MOB1A: variants seen among roughly 807,000 people sequenced by gnomAD.
The protein encoded by MOB1A is MOB kinase activator 1A.
MOB1A carries 10 observed loss-of-function variants against 25.1 expected under a neutral mutation model. The ratio of observed to expected loss-of-function variants is 0.40; its 90% confidence interval spans 0.25 to 0.68. The LOEUF (loss-of-function observed/expected upper bound fraction) is 0.68, where lower values mean the gene tolerates loss of function less well. Ranked by LOEUF, MOB1A falls within the 30% of genes least tolerant of loss-of-function variation. MOB1A has a pLI of 0.40. For synonymous variants in MOB1A, 81 were observed against 79.5 expected, an observed-to-expected ratio of 1.02 and a Z score of -0.10; for missense variants, 177 against 256.3, an observed-to-expected ratio of 0.69 and a Z score of 2.11.
chr2:74,170,180 C>T (rs745581532), intron 2 of MOB1A, among the ~76,000 whole-genome samples: 4 of 151,800 alleles, frequency 2.6e-5, no homozygotes, highest in Admixed American at 6.6e-5. Context: ...CTTGCTCTGT[C>T]GCCCAGGCTA....
chr2:74,158,246 T>G lies in MOB1A; in HGVS notation c.573+845A>C, dbSNP rs568927150. ...ACCTGAAAACTACAAACTGAATTTT[T>G]GATAAAGGGCCAGTAGACCTTTTAT... On this transcript the variant is annotated intron_variant, in intron 5 of 5. Transcript: ENST00000396049. Among the ~76,000 whole-genome samples the G allele has an allele frequency of 6.0e-5, 9 of 151,196 alleles. No individual in the cohort carries two copies. The South Asian group carries it at 1.9e-3, about 32-fold the overall frequency.
chr2:74,172,722 T>C lies in MOB1A; in HGVS notation c.45A>G (p.Pro15=), dbSNP rs1241340506. 2 of 1,613,638 alleles carry C rather than the reference T, an allele frequency of 1.2e-6. No homozygotes were observed. The highest frequency in any genetic ancestry group is 1.7e-6 in the Non-Finnish European group (2 of 1,179,834). ...GAGATCCTTCAGGGATATTCTTCTTTGGTTTGAATGTTTTAGAAGAGCGGC... is the reference window on the plus strand; with the variant it reads ...GAGATCCTTCAGGGATATTCTTCTTCGGTTTGAATGTTTTAGAAGAGCGGC... ...FSSRSSKTFK[P]KKNIPEGSHQ... Residue 15 remains proline (P), a synonymous_variant, in exon 2 of 6, where the codon CCA becomes CCG. Transcript: ENST00000396049.
Position 74,154,079 on chromosome 2 carries a change from T to G in MOB1A, c.*2489A>C, listed in dbSNP as rs537385977. On this transcript the variant is annotated 3_prime_UTR_variant, in exon 6 of 6. Coordinates refer to ENST00000396049, the MANE Select transcript of MOB1A (RefSeq NM_018221.5). Reference sequence around the variant, plus strand: ...GGTGGCGGGCACCTGTAGTTCCAGCTACTCAGGAGAGGCTGGGGCAGGAGA... The same window carrying G: ...GGTGGCGGGCACCTGTAGTTCCAGCGACTCAGGAGAGGCTGGGGCAGGAGA... The G allele has an allele frequency of 1.3e-5, 2 of 151,294 alleles. No individual in the cohort carries two copies. Among genetic ancestry groups the G allele is most frequent in the South Asian group, 4.2e-4 (2 of 4,804 alleles). The allele number at this position is 151,294 out of a possible 1,614,324, so 9.4% of individuals were successfully genotyped here. A position where few individuals can be genotyped will look rare whatever the true frequency, so the allele number is the denominator to read the frequency against.
intron 1 of MOB1A, among the ~76,000 whole-genome samples, chr2:74,176,685 ACCCG>A (rs1693481147): frequency 6.7e-6 from 1 of 150,232 alleles, no homozygotes; most frequent in Non-Finnish European, 1.5e-5. Context: ...AATGGCGTGA[ACCCG>A]GGAGGCGGAG....
chr2:74,178,812 G>A lies in MOB1A; in HGVS notation c.-138C>T, dbSNP rs1693555464. 2.3e-6 allele frequency: 1 copy of A among 444,258 alleles called. No homozygotes were observed. Among genetic ancestry groups the A allele is most frequent in the Non-Finnish European group, 3.6e-6 (1 of 278,392 alleles). The allele number at this position is 444,258 out of a possible 1,614,324, so 27.5% of individuals were successfully genotyped here. A position where few individuals can be genotyped will look rare whatever the true frequency, so the allele number is the denominator to read the frequency against. On this transcript the variant is annotated 5_prime_UTR_variant, in exon 1 of 6. Transcript: ENST00000396049. ...GCCGCCGCTCGGAGCCGGGTTTCTG[G>A]CCGCTGCGAGCCTTTGCAAACCTCG... is the stretch of plus-strand genomic sequence containing the variant.
At chr2:74,170,689 C>A (rs1410165289) in intron 2 of MOB1A, among the ~76,000 whole-genome samples, 1 of 145,888 alleles carries the variant, frequency 6.9e-6, no homozygotes, top group Middle Eastern at 3.3e-3. Context: ...GAGCTGAGAT[C>A]GCGCCAGCCT....
In MOB1A at chr2:74,156,144, T is replaced by C. The variant is rs967275800; in HGVS notation, c.*424A>G. On this transcript the variant is annotated 3_prime_UTR_variant, in exon 6 of 6. Coordinates refer to ENST00000396049, the MANE Select transcript of MOB1A (RefSeq NM_018221.5). ...GAATAAAACCAATCTGATTGTGTTA[T>C]TAGGAAATTTGTTCTGGAAACTTAT... The C allele has an allele frequency of 1.3e-5, 2 of 154,990 alleles. No individual in the cohort carries two copies. Among genetic ancestry groups the C allele is most frequent in the African/African-American group, 4.8e-5 (2 of 41,514 alleles). The allele number at this position is 154,990 out of a possible 1,614,324, so 9.6% of individuals were successfully genotyped here.
intron 1 of MOB1A, among the ~76,000 whole-genome samples, chr2:74,176,525 G>C (rs948400199): frequency 1.3e-5 from 2 of 151,928 alleles, no homozygotes; most frequent in African/African-American, 2.4e-5. Context: ...TGCACTTTGG[G>C]AGGCCGAGGT....
rs1010752619 is a variant in MOB1A, at chr2:74,152,878, G to A, written c.*3690C>T. Reference sequence around the variant, plus strand: ...ATCTACAGAATACTTGTTTGGAACAGAATCTGATAATGAGAGAAAACTCAA... The same window carrying A: ...ATCTACAGAATACTTGTTTGGAACAAAATCTGATAATGAGAGAAAACTCAA... On this transcript the variant is annotated 3_prime_UTR_variant, in exon 6 of 6. Coordinates refer to ENST00000396049, the MANE Select transcript of MOB1A (RefSeq NM_018221.5). 6.6e-6 allele frequency: 1 copy of A among 152,208 alleles called. No individual in the cohort carries two copies. The highest frequency in any genetic ancestry group is 2.4e-5 in the African/African-American group (1 of 41,456). The allele number at this position is 152,208 out of a possible 1,614,324, so 9.4% of individuals were successfully genotyped here. A position where few individuals can be genotyped will look rare whatever the true frequency, so the allele number is the denominator to read the frequency against.
In MOB1A at chr2:74,178,670, C is replaced by A; in HGVS notation, c.5G>T (p.Ser2Ile). 1.5e-6 allele frequency: 2 copies of A among 1,364,584 alleles called. No homozygotes were observed. The highest frequency in any genetic ancestry group is 1.9e-5 in the South Asian group (1 of 53,244). 84.5% of individuals were successfully genotyped at this position (1,364,584 alleles called of 1,614,324 possible). A position where few individuals can be genotyped will look rare whatever the true frequency, so the allele number is the denominator to read the frequency against. The change falls in exon 1 of 6, where the codon AGC (serine) becomes ATC (isoleucine). Residue 2 changes from serine to isoleucine, a missense_variant. By Grantham distance (142) the Ser-to-Ile change is moderately radical. Coordinates refer to ENST00000396049, the MANE Select transcript of MOB1A (RefSeq NM_018221.5). Reference sequence around the variant, plus strand: ...GCCCGACCCCACTCACAAGAGGAAGCTCATCTTCGGTCCTCAGAGGGGAGG... The same window carrying A: ...GCCCGACCCCACTCACAAGAGGAAGATCATCTTCGGTCCTCAGAGGGGAGG... M[S>I]FLFSSRSSKT... is the part of the protein sequence containing the mutation.
At chr2:74,158,193 AAG>A (rs1491326645) in intron 5 of MOB1A, among the ~76,000 whole-genome samples, 11 of 97,104 alleles carry the variant, frequency 1.1e-4, no homozygotes, top group Admixed American at 3.2e-4. Context: ...AAAAAAAAAA[AAG>A]AGGGGGGAAA....
In MOB1A at chr2:74,167,075, A is replaced by G; in HGVS notation, c.214T>C (p.Tyr72His). ...GTGCAGAATTCTGTAATAGTTCCAT[A>G]TAACATGTTGATCTGGTTAAAGAAA... ...VDFFNQINML[Y>H]GTITEFCTEA... Residue 72 changes from tyrosine to histidine, a missense_variant, in exon 3 of 6, where the codon TAT (tyrosine) becomes CAT (histidine). By Grantham distance (83) the Tyr-to-His change is moderately conservative. Transcript: ENST00000396049. 2.5e-6 allele frequency: 4 copies of G among 1,613,976 alleles called. No individual in the cohort carries two copies. The highest frequency in any genetic ancestry group is 2.5e-6 in the Non-Finnish European group (3 of 1,179,844).
intron 1 of MOB1A, 129 bp from the exon 2 acceptor site, chr2:74,172,881 G>GCCACCATGCC: frequency 8.1e-6 from 8 of 981,754 alleles, no homozygotes; most frequent in Non-Finnish European, 1.2e-5. Flanking sequence ...GCCAGGCATG[G>GCCACCATGCC]TGGCTCATGC....
intron 4 of MOB1A, 75 bp from the exon 5 acceptor site, chr2:74,159,329 T>A: frequency 7.7e-7 from 1 of 1,296,410 alleles, no homozygotes; most frequent in Non-Finnish European, 1.1e-6. Flanking sequence ...TGACAGGGTC[T>A]CACTTTGTCA....
At chr2:74,157,654 A>C (rs1281680959) in intron 5 of MOB1A, among the ~76,000 whole-genome samples, 1 of 152,214 alleles carries the variant, frequency 6.6e-6, no homozygotes, top group Non-Finnish European at 1.5e-5. Context: ...TAGGACATTC[A>C]TCTGGTGTCC....
At chr2:74,168,457 C>A (rs1693191542) in intron 2 of MOB1A, among the ~76,000 whole-genome samples, 1 of 152,098 alleles carries the variant, frequency 6.6e-6, no homozygotes, top group African/African-American at 2.4e-5. Context: ...CTGGGCAACA[C>A]AGCTAGACCC....
At chr2:74,176,167 T>G (rs1033633013) in intron 1 of MOB1A, among the ~76,000 whole-genome samples, 2 of 144,684 alleles carry the variant, frequency 1.4e-5, no homozygotes, top group Non-Finnish European at 3.0e-5. Context: ...TCCCAGCTAC[T>G]TGGGAGGCTG....
chr2:74,175,290 A>T (rs1258477976), intron 1 of MOB1A, among the ~76,000 whole-genome samples: 1 of 152,236 alleles, frequency 6.6e-6, no homozygotes, highest in Non-Finnish European at 1.5e-5. Context: ...CATTATGATG[A>T]GTGGTAGAAT....
At chr2:74,163,548 G>A (rs993224538) in intron 4 of MOB1A, among the ~76,000 whole-genome samples, 3 of 152,034 alleles carry the variant, frequency 2.0e-5, no homozygotes, top group Admixed American at 6.6e-5. Flanking sequence ...TAAGGTGGGA[G>A]GATCACTGGA....
Sources: gnomAD v4.1 joint callset for allele counts (sites outside exome capture counted in the v4.1 genomes callset) on GRCh38, gnomAD v4.1.1 for gene constraint, MANE v1.5 for transcripts, NCBI Gene and HGNC (gene_info 2026-07-23, HGNC 2026-07-21) for gene names.